GET4: variants seen among roughly 807,000 people sequenced by gnomAD.
GET4 encodes the protein Golgi to ER traffic protein 4 homolog.
Under a neutral mutation model 40.0 loss-of-function variants are expected in GET4, and 20 were observed. The ratio of observed to expected loss-of-function variants is 0.50; its 90% CI spans 0.35 to 0.73. GET4 has a LOEUF of 0.73. GET4 is among the 30% of genes least tolerant of loss of function. GET4 has a pLI of 0.01. For missense variants in GET4, 557 were observed against 454.0 expected, an observed-to-expected ratio of 1.23 and a Z score of -2.06; for synonymous variants, 280 against 194.6, an observed-to-expected ratio of 1.44 and a Z score of -3.65.
intron 8 of GET4, among the ~76,000 whole-genome samples, chr7:894,527 G>A (rs545440578): frequency 2.0e-5 from 3 of 152,246 alleles, no homozygotes; most frequent in Admixed American, 6.5e-5. Context: ...TGCGTCCTGT[G>A]GCAGGCCCTG....
At chr7:883,404 C>A in intron 1 of GET4, 1 of 613,548 alleles carries the variant, frequency 1.6e-6, no homozygotes, top group Non-Finnish European at 2.0e-6. Context: ...TGAGCTCGGT[C>A]TTTCTTCATT....
In GET4 at chr7:895,493, TGGCTCCTCGCCTTGGG is replaced by T. The variant is rs555903656; in HGVS notation, c.*79_*94del. On this transcript the variant is annotated 3_prime_UTR_variant, in exon 9 of 9. Coordinates refer to ENST00000265857, the MANE Select transcript of GET4 (RefSeq NM_015949.3). ...GGACGTTTCAGAGGCGAGTCCTGGG[TGGCTCCTCGCCTTGGG>T]GGCTCCTGGCCCTGAGGCTGGCGGT... 1,293 of 782,048 alleles carry T rather than the reference TGGCTCCTCGCCTTGGG, an allele frequency of 1.7e-3. 9 individuals are homozygous for T. The highest frequency in any genetic ancestry group is 6.9e-3 in the African/African-American group (401 of 57,774). The allele number at this position is 782,048 out of a possible 1,614,324, so 48.4% of individuals were successfully genotyped here.
Position 890,954 on chromosome 7 carries a change from C to T in GET4, c.493C>T (p.His165Tyr), listed in dbSNP as rs764766585. 1 of 1,607,712 alleles carries T rather than the reference C, an allele frequency of 6.2e-7. No homozygotes were observed. The highest frequency in any genetic ancestry group is 8.5e-7 in the Non-Finnish European group (1 of 1,174,400). The change falls in exon 5 of 9, where the codon CAT (histidine) becomes TAT (tyrosine). Residue 165 changes from histidine (H) to tyrosine (Y), a missense_variant. His to Tyr is a moderately conservative substitution (Grantham distance 83). Coordinates refer to ENST00000265857, the MANE Select transcript of GET4 (RefSeq NM_015949.3). ...ACAAAACTATTGTGAGTCGAGGTAT[C>T]ATTTTCTGCACTCAGCGGACGGGGA... ...KEQNYCESRY[H>Y]FLHSADGEGC...
chr7:878,156 C>T (rs927509260), intron 1 of GET4: 3 of 422,158 alleles, frequency 7.1e-6, no homozygotes, highest in African/African-American at 4.0e-5. Context: ...CCGGTGTAGC[C>T]TGGAGGGCGA....
chr7:876,788 C>T lies in GET4; in HGVS notation c.143C>T (p.Thr48Ile), dbSNP rs758686980. The change falls in exon 1 of 9, where the codon ACC becomes ATC. Residue 48 changes from threonine (T) to isoleucine (I), a missense_variant. Physicochemically the swap from Thr to Ile is moderately conservative, Grantham distance 89. Coordinates refer to ENST00000265857, the MANE Select transcript of GET4 (RefSeq NM_015949.3). The stretch of plus-strand genomic sequence containing the variant: ...TACGAGGCGCACCAGATGTACCGGA[C>T]CCTGTTCTTCAGGTACCCGCGCCCG... The part of the protein sequence containing the change: ...DYYEAHQMYR[T>I]LFFRYMSQSK... 1.5e-5 allele frequency: 19 copies of T among 1,249,456 alleles called. No individual in the cohort carries two copies. Among genetic ancestry groups the T allele is most frequent in the South Asian group, 4.8e-5 (2 of 41,654 alleles). 77.4% of individuals were successfully genotyped at this position (1,249,456 alleles called of 1,614,324 possible).
At chr7:894,111 T>C in intron 8 of GET4, 140 bp downstream of exon 8, 1 of 586,422 alleles carries the variant, frequency 1.7e-6, no homozygotes. Flanking sequence ...TTTACTTTTG[T>C]TAGTAGGAAA....
chr7:886,620 G>A lies in GET4; in HGVS notation c.286G>A (p.Ala96Thr), dbSNP rs776512096. 6 of 1,613,034 alleles carry A rather than the reference G, an allele frequency of 3.7e-6. No individual in the cohort carries two copies. The highest frequency in any genetic ancestry group is 1.7e-5 in the Admixed American group (1 of 60,022). The change falls in exon 3 of 9, where the codon GCG becomes ACG. Residue 96 changes from alanine (A) to threonine (T), a missense_variant. Coordinates refer to ENST00000265857, the MANE Select transcript of GET4 (RefSeq NM_015949.3). ...SMLVLESLEK[A>T]EVEVADELLE... is the part of the protein sequence containing the mutation. ...GCTGGTCCTGGAGTCCCTGGAGAAG[G>A]CGGAAGTGGAGGTGGCTGACGAGCT...
At chr7:886,026 G>C (rs1042661680) in intron 1 of GET4, 30 bp from the exon 2 acceptor site, 1 of 1,406,504 alleles carries the variant, frequency 7.1e-7, no homozygotes, top group African/African-American at 1.4e-5. Context: ...GGGCACGTGG[G>C]CGTGGCTCAC....
At chr7:886,224 C>T (rs1844184960) in intron 2 of GET4, 90 bp downstream of exon 2, 2 of 852,568 alleles carry the variant, frequency 2.3e-6, no homozygotes, top group Non-Finnish European at 4.0e-6. Context: ...TGATGGGCAA[C>T]CTTGCGCTGC....
Position 896,164 on chromosome 7 carries a change from G to GTGA in GET4, c.*747_*749dup, listed in dbSNP as rs1554269067. ...ATAACGCAATATTTATTTGTATTGG[G>GTGA]TGATGATTGATTCTTTCGACCTAAC... On this transcript the variant is annotated 3_prime_UTR_variant, in exon 9 of 9. Coordinates refer to ENST00000265857, the MANE Select transcript of GET4 (RefSeq NM_015949.3). 6.6e-6 allele frequency: 1 copy of GTGA among 152,210 alleles called. No homozygotes were observed. Among genetic ancestry groups the GTGA allele is most frequent in the Admixed American group, 6.5e-5 (1 of 15,288 alleles). The allele number at this position is 152,210 out of a possible 1,614,324, so 9.4% of individuals were successfully genotyped here. A position where few individuals can be genotyped will look rare whatever the true frequency, so the allele number is the denominator to read the frequency against.
At chr7:891,123 C>T in intron 5 of GET4, 57 bp downstream of exon 5, 1 of 1,416,340 alleles carries the variant, frequency 7.1e-7, no homozygotes, top group South Asian at 1.3e-5. Flanking sequence ...GCTGGGCAGC[C>T]TTAGAACAGG....
intron 1 of GET4, chr7:883,998 C>T: frequency 2.7e-6 from 3 of 1,126,674 alleles, no homozygotes; most frequent in Non-Finnish European, 3.3e-6. Context: ...AGGCGCAGTC[C>T]AAACCAGGCC....
Position 892,380 on chromosome 7 carries a change from G to A in GET4, c.708G>A (p.Leu236=). ...IEDGPPFVEP[L]LNFIWFLLLA... ...ACGGGCCTCCGTTTGTGGAGCCGCT[G>A]CTTAACTTCATCTGGTTCCTGCTGC... is the stretch of plus-strand genomic sequence containing the variant. The change falls in exon 6 of 9, where the codon CTG becomes CTA. Residue 236 remains leucine, a synonymous_variant. Coordinates refer to ENST00000265857, the MANE Select transcript of GET4 (RefSeq NM_015949.3). The A allele has an allele frequency of 1.3e-6, 2 of 1,593,648 alleles. No homozygotes were observed. Among genetic ancestry groups the A allele is most frequent in the East Asian group, 2.3e-5 (1 of 44,170 alleles).
intron 8 of GET4, among the ~76,000 whole-genome samples, chr7:895,042 G>C (rs571486088): frequency 6.6e-6 from 1 of 151,628 alleles, no homozygotes; most frequent in East Asian, 1.9e-4. Context: ...GGTGTGGAGG[G>C]TGGTTCTGTA....
intron 3 of GET4, 37 bp from the exon 4 acceptor site, chr7:887,333 C>T (rs117661473): frequency 3.1e-5 from 49 of 1,560,072 alleles, no homozygotes; most frequent in African/African-American, 2.7e-4. Context: ...CCGGAGTGGC[C>T]GTGCGTTCCT....
intron 4 of GET4, among the ~76,000 whole-genome samples, chr7:889,575 G>A (rs997377858): frequency 3.9e-5 from 6 of 152,036 alleles, no homozygotes; most frequent in Non-Finnish European, 7.4e-5. Context: ...AGAGGCAGGC[G>A]CCTGGTGAGT....
chr7:888,050 C>T lies in GET4; in HGVS notation c.466+531C>T, dbSNP rs1374886897. On this transcript the variant is annotated intron_variant, in intron 4 of 8. Coordinates refer to ENST00000265857, the MANE Select transcript of GET4 (RefSeq NM_015949.3). ...CGAGGTGCTAATGGGGGTTTAGAAG[C>T]GTCCTCCCCAGGGCATTCCCTGGGA... Among the ~76,000 whole-genome samples, 4 of 152,162 alleles carry T rather than the reference C, an allele frequency of 2.6e-5. No individual in the cohort carries two copies. The East Asian group carries it at 5.8e-4, about 22-fold the overall frequency.
At chr7:886,155 C>T (rs771304746) in intron 2 of GET4, 21 bp downstream of exon 2, 6 of 1,511,942 alleles carry the variant, frequency 4.0e-6, no homozygotes, top group East Asian at 4.5e-5. Flanking sequence ...TTGCTTCCTC[C>T]TGCATCCCTT....
At chr7:891,102 T>G in intron 5 of GET4, 36 bp downstream of exon 5, 1 of 1,542,788 alleles carries the variant, frequency 6.5e-7, no homozygotes, top group Non-Finnish European at 8.8e-7. Flanking sequence ...TCGGCTTCCA[T>G]TGCTGCCTTG....
Sources: gnomAD v4.1 joint callset for allele counts (sites outside exome capture counted in the v4.1 genomes callset) on GRCh38, gnomAD v4.1.1 for gene constraint, MANE v1.5 for transcripts, NCBI Gene and HGNC (gene_info 2026-07-23, HGNC 2026-07-21) for gene names.